KAT2B: variants seen among roughly 807,000 people sequenced by gnomAD.
The protein encoded by KAT2B is lysine acetyltransferase 2B.
A neutral mutation model predicts 105.9 loss-of-function variants in KAT2B; 36 were observed. The observed-to-expected ratio is 0.34, with a 90% CI of 0.26 to 0.45. KAT2B has a LOEUF of 0.45. Ranked by LOEUF, KAT2B falls within the 20% of genes least tolerant of loss-of-function variation. The pLI is 1.00. For synonymous variants in KAT2B, 397 were observed against 377.9 expected, an observed-to-expected ratio of 1.05 and a Z score of -0.59; for missense variants, 820 against 1,021.6, an observed-to-expected ratio of 0.80 and a Z score of 2.69.
chr3:20,041,477 C>T (rs2929408), intron 1 of KAT2B, among the ~76,000 whole-genome samples: 1 of 152,048 alleles, frequency 6.6e-6, no homozygotes, highest in Non-Finnish European at 1.5e-5. Flanking sequence ...GACAGCCCAG[C>T]GCGGCGGGCG....
chr3:20,123,916 T>G (rs1699354816), intron 9 of KAT2B, among the ~76,000 whole-genome samples: 1 of 152,196 alleles, frequency 6.6e-6, no homozygotes, highest in South Asian at 2.1e-4. Flanking sequence ...CAATGACATT[T>G]CTTAAGACAT....
chr3:20,130,135 G>A (rs754938316), intron 11 of KAT2B, among the ~76,000 whole-genome samples: 3 of 152,132 alleles, frequency 2.0e-5, no homozygotes, highest in Admixed American at 6.5e-5. Flanking sequence ...GAGCCACCAC[G>A]CCCGGCCTCA....
At chr3:20,139,303 C>G (rs933249618) in intron 12 of KAT2B, among the ~76,000 whole-genome samples, 2 of 152,002 alleles carry the variant, frequency 1.3e-5, no homozygotes. Context: ...TATTTATTAT[C>G]TTCTCATTGT....
rs143077218 is a variant in KAT2B at position 20,080,310 on chromosome 3, A to G, written c.430+7851A>G. On this transcript the variant is annotated intron_variant, in intron 2 of 17. Coordinates refer to ENST00000263754, the MANE Select transcript of KAT2B (RefSeq NM_003884.5). ...CTCCATGTTCTCCAAAGGTTCTTTG[A>G]ACTTTCTCCCACCTCTGCCTTAGAT... 8.5e-5 allele frequency among the ~76,000 whole-genome samples: 13 copies of G among 152,240 alleles called. No homozygotes were observed. In the East Asian group the frequency reaches 2.5e-3, roughly 29 times the overall value.
chr3:20,150,019 A>T (rs1213608289), intron 17 of KAT2B, among the ~76,000 whole-genome samples: 1 of 152,214 alleles, frequency 6.6e-6, no homozygotes, highest in Admixed American at 6.5e-5. Context: ...CTCGTCGATC[A>T]TAGCCTACTT....
intron 12 of KAT2B, among the ~76,000 whole-genome samples, chr3:20,137,378 G>A (rs1042709698): frequency 2.0e-5 from 3 of 152,164 alleles, no homozygotes; most frequent in Non-Finnish European, 2.9e-5. Context: ...CTCTGTGAAT[G>A]AGAAAAACAG....
At chr3:20,095,498 G>C in intron 3 of KAT2B, 90 bp downstream of exon 3, 1 of 803,248 alleles carries the variant, frequency 1.2e-6, no homozygotes, top group Non-Finnish European at 2.0e-6. Flanking sequence ...AAGGCTTTCA[G>C]CTCCTGGTAC....
chr3:20,096,041 G>A (rs1418050164), intron 3 of KAT2B, among the ~76,000 whole-genome samples: 1 of 152,126 alleles, frequency 6.6e-6, no homozygotes, highest in East Asian at 1.9e-4. Flanking sequence ...TTTAGGCCGT[G>A]CACTAAGAGA....
At chr3:20,044,252 G>A (rs111705396) in intron 1 of KAT2B, among the ~76,000 whole-genome samples, 23,661 of 151,274 alleles carry the variant, frequency 0.16, 1,985 homozygotes, top group Non-Finnish European at 0.19. Flanking sequence ...AGGCCGAGGC[G>A]GGAGGATCAC....
At chr3:20,085,268 G>A (rs1698592565) in intron 2 of KAT2B, among the ~76,000 whole-genome samples, 1 of 152,128 alleles carries the variant, frequency 6.6e-6, no homozygotes, top group South Asian at 2.1e-4. Flanking sequence ...ACATAAAAAT[G>A]TTGACCTAAT....
intron 7 of KAT2B, among the ~76,000 whole-genome samples, chr3:20,118,993 A>G (rs1351938257): frequency 3.9e-5 from 6 of 151,946 alleles, no homozygotes; most frequent in African/African-American, 1.2e-4. Context: ...TCTTGTCTCA[A>G]TAATGTGGTT....
At chr3:20,132,908 G>A (rs945135009) in intron 11 of KAT2B, among the ~76,000 whole-genome samples, 7 of 152,090 alleles carry the variant, frequency 4.6e-5, no homozygotes, top group Non-Finnish European at 1.0e-4. Context: ...CTCTTGCATC[G>A]ACATCCGTGT....
chr3:20,089,523 C>T (rs1248486266), intron 2 of KAT2B, among the ~76,000 whole-genome samples: 1 of 151,596 alleles, frequency 6.6e-6, no homozygotes, highest in Non-Finnish European at 1.5e-5. Flanking sequence ...GCCTCAGCCT[C>T]CTGAGTAGCT....
chr3:20,114,665 A>T lies in KAT2B; in HGVS notation c.1044-217A>T, dbSNP rs78154827. Among the ~76,000 whole-genome samples the T allele has an allele frequency of 0.034, 5,248 of 152,298 alleles. 123 individuals carry two copies. Among genetic ancestry groups the T allele is most frequent in the Non-Finnish European group, 0.052 (3,543 of 68,028 alleles). ...TCTGTATCCTGTGCTGTGTTAAGCT[A>T]TGCAGGGTCAAAAGAGTAAACATTT... On this transcript the variant is annotated intron_variant, in intron 6 of 17. Transcript: ENST00000263754.
At chr3:20,081,878 C>CATATATATATATATAT (rs139743528) in intron 2 of KAT2B, among the ~76,000 whole-genome samples, 1,552 of 140,474 alleles carry the variant, frequency 0.011, 51 homozygotes, top group African/African-American at 0.032. Context: ...GTCATTGGCT[C>CATATATATATATATAT]ATATATATAT....
At chr3:20,088,044 C>A (rs1698651912) in intron 2 of KAT2B, among the ~76,000 whole-genome samples, 1 of 152,086 alleles carries the variant, frequency 6.6e-6, no homozygotes, top group Admixed American at 6.5e-5. Context: ...TTCCAAAGTG[C>A]TAGGATTACA....
At chr3:20,087,615 T>C (rs1429300753) in intron 2 of KAT2B, among the ~76,000 whole-genome samples, 1 of 152,202 alleles carries the variant, frequency 6.6e-6, no homozygotes, top group African/African-American at 2.4e-5. Context: ...CCAGAACTTC[T>C]GTGTAAATGA....
At chr3:20,048,386 C>T (rs1280135156) in intron 1 of KAT2B, among the ~76,000 whole-genome samples, 1 of 152,110 alleles carries the variant, frequency 6.6e-6, no homozygotes, top group African/African-American at 2.4e-5. Flanking sequence ...GAAGTGTGTG[C>T]TTGGAAATAG....
chr3:20,052,637 A>ACC (rs1239237606), intron 1 of KAT2B, among the ~76,000 whole-genome samples: 2 of 149,950 alleles, frequency 1.3e-5, no homozygotes, highest in Admixed American at 1.3e-4. Flanking sequence ...GGCTACGGAG[A>ACC]GAGACCCCAT....
Sources: gnomAD v4.1 joint callset for allele counts (sites outside exome capture counted in the v4.1 genomes callset) on GRCh38, gnomAD v4.1.1 for gene constraint, MANE v1.5 for transcripts, NCBI Gene and HGNC (gene_info 2026-07-23, HGNC 2026-07-21) for gene names.